CORO2B: variants seen among roughly 807,000 people sequenced by gnomAD.
CORO2B encodes the protein coronin 2B.
A neutral mutation model predicts 58.8 loss-of-function variants in CORO2B; 26 were observed. That is an observed-to-expected ratio of 0.44 (90% confidence interval 0.32 to 0.61). CORO2B has a LOEUF of 0.61. Among genes scored for constraint, CORO2B ranks in the 20% least tolerant of loss-of-function variants. CORO2B has a pLI of 0.04. For missense variants in CORO2B, 460 were observed against 645.1 expected, an observed-to-expected ratio of 0.71 and a Z score of 3.11; for synonymous variants, 242 against 253.8, an observed-to-expected ratio of 0.95 and a Z score of 0.44.
the CORO2B span, among the ~76,000 whole-genome samples, chr15:68,526,505 G>T: frequency 6.6e-6 from 1 of 152,142 alleles, no homozygotes; most frequent in Non-Finnish European, 1.5e-5. Flanking sequence ...TAATGATGCT[G>T]AGCATCTTTT....
intron 1 of CORO2B, among the ~76,000 whole-genome samples, chr15:68,623,542 C>G (rs28550735): frequency 6.6e-6 from 1 of 152,080 alleles, no homozygotes; most frequent in Non-Finnish European, 1.5e-5. Context: ...CAGCCTCTCC[C>G]GCCCTGCATG....
intron 2 of CORO2B, among the ~76,000 whole-genome samples, chr15:68,647,857 T>TAAA (rs35636803): frequency 1.5e-5 from 2 of 136,490 alleles, no homozygotes; most frequent in Non-Finnish European, 3.1e-5. Flanking sequence ...TTCTACAAAT[T>TAAA]AAAAAAAAAA....
chr15:68,713,880 A>C (rs1596034685), intron 5 of CORO2B, 45 bp from the exon 6 acceptor site: 15 of 1,380,760 alleles, frequency 1.1e-5, no homozygotes, highest in Middle Eastern at 1.8e-4. Flanking sequence ...TGCAGAACCC[A>C]CATGTTGGGG....
At chr15:68,560,964 G>A in the CORO2B span, among the ~76,000 whole-genome samples, 3 of 152,138 alleles carry the variant, frequency 2.0e-5, no homozygotes, top group Admixed American at 6.5e-5. Context: ...TTTCCCTAGC[G>A]CCTCCAGGGA....
the CORO2B span, among the ~76,000 whole-genome samples, chr15:68,533,199 CT>C: frequency 1.3e-5 from 2 of 152,166 alleles, no homozygotes; most frequent in African/African-American, 2.4e-5. Context: ...TCCCTTCCCC[CT>C]GAGATCATAC....
At chr15:68,541,612 C>T in the CORO2B span, among the ~76,000 whole-genome samples, 1 of 152,122 alleles carries the variant, frequency 6.6e-6, no homozygotes. Context: ...GCTAATCATC[C>T]CCAGCTACTA....
At chr15:68,631,764 G>A (rs1900837419) in intron 1 of CORO2B, among the ~76,000 whole-genome samples, 1 of 152,190 alleles carries the variant, frequency 6.6e-6, no homozygotes, top group Non-Finnish European at 1.5e-5. Flanking sequence ...GGATGGGATG[G>A]TCAGAGACCC....
intron 1 of CORO2B, among the ~76,000 whole-genome samples, chr15:68,581,706 G>A (rs1021108081): frequency 6.6e-6 from 1 of 152,200 alleles, no homozygotes; most frequent in African/African-American, 2.4e-5. Context: ...CTGAGGGGTG[G>A]TCTGTTTACA....
At chr15:68,550,151 G>T in the CORO2B span, among the ~76,000 whole-genome samples, 1 of 152,024 alleles carries the variant, frequency 6.6e-6, no homozygotes, top group Admixed American at 6.6e-5. Flanking sequence ...GGTGTGCTGG[G>T]GGTGCTCTAA....
rs1477387474 is a variant in CORO2B at position 68,719,038 on chromosome 15, G to A, written c.1081-106G>A. On this transcript the variant is annotated intron_variant, in intron 9 of 11. Coordinates refer to ENST00000261861, the MANE Select transcript of CORO2B (RefSeq NM_006091.5). ...ACACAGTGCAAAGGCATAGAGGCAG[G>A]AGAGCAGGTAGAGTGACTGGAGATC... 1.6e-5 allele frequency: 16 copies of A among 986,742 alleles called. No individual in the cohort carries two copies. In the East Asian group the frequency reaches 3.6e-4, roughly 22 times the overall value. The allele number at this position is 986,742 out of a possible 1,614,324, so 61.1% of individuals were successfully genotyped here.
intron 1 of CORO2B, among the ~76,000 whole-genome samples, chr15:68,644,305 C>A (rs1901351529): frequency 6.6e-6 from 1 of 152,150 alleles, no homozygotes; most frequent in South Asian, 2.1e-4. Flanking sequence ...AGTACTGATT[C>A]CTGGGTTCCA....
At chr15:68,686,913 GAAAATAAA>G (rs967073445) in intron 2 of CORO2B, among the ~76,000 whole-genome samples, 2 of 150,678 alleles carry the variant, frequency 1.3e-5, no homozygotes, top group African/African-American at 4.9e-5. Flanking sequence ...AAAAAAAAAA[GAAAATAAA>G]AAAATGAAAA....
chr15:68,554,787 C>T, the CORO2B span, among the ~76,000 whole-genome samples: 66 of 152,288 alleles, frequency 4.3e-4, no homozygotes, highest in Non-Finnish European at 8.8e-4. Context: ...TAGGAAGGGA[C>T]GGAGCCAGGG....
intron 3 of CORO2B, among the ~76,000 whole-genome samples, chr15:68,708,517 C>G (rs975705159): frequency 6.6e-6 from 1 of 151,828 alleles, no homozygotes; most frequent in African/African-American, 2.4e-5. Context: ...CCTGCCACTA[C>G]GCCTGGCTAA....
intron 2 of CORO2B, among the ~76,000 whole-genome samples, chr15:68,657,077 C>A (rs183657640): frequency 2.6e-5 from 4 of 152,298 alleles, no homozygotes; most frequent in African/African-American, 9.6e-5. Flanking sequence ...TAGTTTTTAA[C>A]ACTGAATAAT....
chr15:68,555,931 G>T, the CORO2B span, among the ~76,000 whole-genome samples: 1 of 152,226 alleles, frequency 6.6e-6, no homozygotes, highest in Non-Finnish European at 1.5e-5. Flanking sequence ...CCCTCTGTGT[G>T]ATCTGTGAGT....
intron 1 of CORO2B, among the ~76,000 whole-genome samples, chr15:68,596,019 G>T (rs1160446956): frequency 6.6e-6 from 1 of 152,072 alleles, no homozygotes; most frequent in Non-Finnish European, 1.5e-5. Flanking sequence ...GAGTGTGGAG[G>T]GTCGGGGGCT....
chr15:68,637,978 G>A (rs534916929), intron 1 of CORO2B, among the ~76,000 whole-genome samples: 1 of 152,330 alleles, frequency 6.6e-6, no homozygotes, highest in African/African-American at 2.4e-5. Context: ...TCCATGTGGA[G>A]TGTACATAGT....
chr15:68,522,288 T>C, the CORO2B span, among the ~76,000 whole-genome samples: 1 of 152,172 alleles, frequency 6.6e-6, no homozygotes, highest in Non-Finnish European at 1.5e-5. Flanking sequence ...TAAATACCAC[T>C]TCTTCTCCAT....
Sources: gnomAD v4.1 joint callset for allele counts (sites outside exome capture counted in the v4.1 genomes callset) on GRCh38, gnomAD v4.1.1 for gene constraint, MANE v1.5 for transcripts, NCBI Gene and HGNC (gene_info 2026-07-23, HGNC 2026-07-21) for gene names.